DCHS2: variants seen among roughly 807,000 people sequenced by gnomAD.
DCHS2 encodes the protein protocadherin-23.
In DCHS2, 142 loss-of-function variants were observed where a neutral mutation model predicts 182.4. That is an observed-to-expected ratio of 0.78 (90% CI 0.68 to 0.89). The LOEUF (loss-of-function observed/expected upper bound fraction) is 0.89. DCHS2 is among the 40% of genes least tolerant of loss of function. The probability of loss-of-function intolerance (pLI) is 0.00; values close to 1 mark genes in which losing one functional copy is unlikely to be tolerated. For missense variants in DCHS2, 4,319 were observed against 4,198.6 expected (o/e 1.03, Z -0.79); for synonymous variants, 1,740 against 1,663.3 (o/e 1.05, Z -1.12).
chr4:154,239,323 T>A, intron 18 of DCHS2, 21 bp from the exon 19 acceptor site: 1 of 1,611,050 alleles, frequency 6.2e-7, no homozygotes, highest in Non-Finnish European at 8.5e-7. Flanking sequence ...AAGAGAAAAA[T>A]AGGGACATTG....
At chr4:154,448,524 T>A (rs2110971276) in intron 1 of DCHS2, among the ~76,000 whole-genome samples, 1 of 152,232 alleles carries the variant, frequency 6.6e-6, no homozygotes, top group Admixed American at 6.5e-5. Flanking sequence ...ACCACCCATA[T>A]CCCAGCTACC....
chr4:154,452,074 A>G (rs1321157201), intron 1 of DCHS2, among the ~76,000 whole-genome samples: 1 of 152,212 alleles, frequency 6.6e-6, no homozygotes, highest in Non-Finnish European at 1.5e-5. Context: ...CCACACAGTC[A>G]TCTAGTGCTT....
Position 154,298,333 on chromosome 4 carries a change from G to A in DCHS2, c.5981C>T (p.Thr1994Ile), listed in dbSNP as rs1735044359. The change falls in exon 13 of 20, where the codon ACC (threonine) becomes ATC (isoleucine). Residue 1994 changes from threonine (T) to isoleucine (I), a missense_variant. Transcript: ENST00000357232. ...CTGAGATCTGGCTTCACGGTCGAGG[G>A]TGTTGCTGGTTTTCAATGTGCCTGA... Reference protein sequence around the residue: ...PMSGTLKTSNTLDREARSQHT... With the variant: ...PMSGTLKTSNILDREARSQHT... 6.2e-7 allele frequency: 1 copy of A among 1,614,182 alleles called. No individual in the cohort carries two copies.
intron 1 of DCHS2, among the ~76,000 whole-genome samples, chr4:154,483,923 T>C (rs1481994130): frequency 6.6e-6 from 1 of 152,196 alleles, no homozygotes; most frequent in Non-Finnish European, 1.5e-5. Flanking sequence ...CTTCCAAGTT[T>C]ATGTCTCCAA....
At chr4:154,426,791 A>AATAAAAATAAAAATAAAG (rs1335096012) in intron 1 of DCHS2, among the ~76,000 whole-genome samples, 1 of 151,758 alleles carries the variant, frequency 6.6e-6, no homozygotes, top group East Asian at 1.9e-4. Context: ...TAAACTTAAA[A>AATAAAAATAAAAATAAAG]ATAAAATAAA....
chr4:154,421,587 G>A (rs1733114059), intron 1 of DCHS2, among the ~76,000 whole-genome samples: 1 of 152,064 alleles, frequency 6.6e-6, no homozygotes, highest in Non-Finnish European at 1.5e-5. Flanking sequence ...TAGAGACAGG[G>A]TTTCTCTATG....
At chr4:154,318,146 T>C (rs1485297615) in intron 9 of DCHS2, among the ~76,000 whole-genome samples, 1 of 151,972 alleles carries the variant, frequency 6.6e-6, no homozygotes, top group Non-Finnish European at 1.5e-5. Flanking sequence ...ATAGTTAATA[T>C]TAACAAACAG....
intron 1 of DCHS2, among the ~76,000 whole-genome samples, chr4:154,468,687 A>C (rs1281498076): frequency 1.3e-5 from 2 of 152,314 alleles, no homozygotes; most frequent in East Asian, 3.9e-4. Context: ...TAAAAATCCT[A>C]CATTTATTAA....
chr4:154,454,234 GACA>G, intron 1 of DCHS2, among the ~76,000 whole-genome samples: 1 of 152,034 alleles, frequency 6.6e-6, no homozygotes, highest in African/African-American at 2.4e-5. Flanking sequence ...AGAGAAATAA[GACA>G]ACAATCTGCC....
intron 3 of DCHS2, among the ~76,000 whole-genome samples, chr4:154,349,969 A>C (rs1461897913): frequency 1.3e-5 from 2 of 152,206 alleles, no homozygotes; most frequent in African/African-American, 2.4e-5. Flanking sequence ...TCTATCTCTG[A>C]GTCTGGAATC....
intron 3 of DCHS2, chr4:154,357,407 T>C (rs1379514486): frequency 2.3e-6 from 2 of 864,578 alleles, no homozygotes; most frequent in Non-Finnish European, 3.8e-6. Flanking sequence ...CTGCCTTTCT[T>C]CATAGTCCAG....
chr4:154,391,648 C>T (rs989788357), intron 1 of DCHS2, among the ~76,000 whole-genome samples: 1 of 152,162 alleles, frequency 6.6e-6, no homozygotes, highest in African/African-American at 2.4e-5. Context: ...CCTCTCGACA[C>T]CTTATGGGTT....
At chr4:154,311,729 AT>A (rs1735679157) in intron 10 of DCHS2, among the ~76,000 whole-genome samples, 1 of 152,184 alleles carries the variant, frequency 6.6e-6, no homozygotes. Flanking sequence ...AAAAATATTT[AT>A]TGAGTTCCTA....
chr4:154,357,296 C>T (rs1729916865), intron 3 of DCHS2: 1 of 1,613,122 alleles, frequency 6.2e-7, no homozygotes. Context: ...TGACAGCACT[C>T]AGAATTTCTA....
intron 16 of DCHS2, among the ~76,000 whole-genome samples, chr4:154,247,007 T>C (rs1732102218): frequency 6.6e-6 from 1 of 152,192 alleles, no homozygotes; most frequent in Non-Finnish European, 1.5e-5. Context: ...TGAATTTTCC[T>C]TTTCAATAAT....
chr4:154,259,587 T>C lies in DCHS2; in HGVS notation c.6747A>G (p.Ala2249=). 1 of 1,613,982 alleles carries C rather than the reference T, an allele frequency of 6.2e-7. No homozygotes were observed. Among genetic ancestry groups the C allele is most frequent in the Non-Finnish European group, 8.5e-7 (1 of 1,179,988 alleles). ...SPCFEQSIYQ[A]SVSESQLYNA... ...TGTAGAGTTGGCTTTCAGACACTGA[T>C]GCCTGGTAAATGCTTTGTTCAAAGC... Residue 2249 remains alanine, a synonymous_variant, in exon 15 of 20, where the codon GCA becomes GCG. Transcript: ENST00000357232.
At chr4:154,347,894 G>C (rs1333169964) in intron 3 of DCHS2, among the ~76,000 whole-genome samples, 1 of 151,816 alleles carries the variant, frequency 6.6e-6, no homozygotes, top group Non-Finnish European at 1.5e-5. Context: ...TACTTAAATG[G>C]TACAGATTTC....
intron 16 of DCHS2, among the ~76,000 whole-genome samples, chr4:154,253,638 G>A (rs1220470894): frequency 2.0e-5 from 3 of 152,032 alleles, no homozygotes; most frequent in Non-Finnish European, 4.4e-5. Context: ...TAAACAATAA[G>A]TACCAATAGC....
intron 7 of DCHS2, 78 bp from the exon 8 acceptor site, chr4:154,322,566 G>A (rs763705255): frequency 1.9e-4 from 271 of 1,438,214 alleles, no homozygotes; most frequent in Admixed American, 4.8e-4. Flanking sequence ...CCAATATATC[G>A]ATCATTTGGA....
Sources: allele counts gnomAD v4.1 joint callset (sites outside exome capture counted in the v4.1 genomes callset), GRCh38; gene constraint gnomAD v4.1.1; transcripts MANE v1.5; gene names NCBI Gene and HGNC (gene_info 2026-07-23, HGNC 2026-07-21).